Variants in TNFSF4 observed in about 807,000 individuals in gnomAD.
The protein encoded by TNFSF4 is tumor necrosis factor ligand superfamily member 4.
A neutral mutation model predicts 7.3 loss-of-function variants in TNFSF4; 4 were observed. The observed-to-expected ratio is 0.55, with a 90% CI of 0.27 to 1.25. The LOEUF (loss-of-function observed/expected upper bound fraction) is 1.25, where lower values mean the gene tolerates loss of function less well. TNFSF4 is among the 50% of genes most tolerant of loss of function. TNFSF4 has a pLI of 0.12. For synonymous variants in TNFSF4, 76 were observed against 83.7 expected (o/e 0.91, Z 0.50); for missense variants, 181 against 208.8 (o/e 0.87, Z 0.82).
the TNFSF4 span, among the ~76,000 whole-genome samples, chr1:173,409,099 T>G: frequency 1.3e-5 from 2 of 152,178 alleles, no homozygotes; most frequent in African/African-American, 4.8e-5. Context: ...TTCTCTGCTA[T>G]TCCTACCAAA....
the TNFSF4 span, among the ~76,000 whole-genome samples, chr1:173,243,812 T>C: frequency 2.0e-5 from 3 of 152,190 alleles, no homozygotes; most frequent in African/African-American, 7.2e-5. Context: ...CCCCATATCA[T>C]GGGTTTGTGG....
At chr1:173,200,340 G>C (rs1649890455) in intron 1 of TNFSF4, among the ~76,000 whole-genome samples, 1 of 152,162 alleles carries the variant, frequency 6.6e-6, no homozygotes. Context: ...TCTTAGTGAA[G>C]AAATGAGGTC....
chr1:173,377,527 T>C, the TNFSF4 span, among the ~76,000 whole-genome samples: 1 of 152,266 alleles, frequency 6.6e-6, no homozygotes, highest in Admixed American at 6.5e-5. Flanking sequence ...CTAGCCCATC[T>C]ATCCTATCGA....
chr1:173,436,488 C>T, the TNFSF4 span, among the ~76,000 whole-genome samples: 2 of 152,226 alleles, frequency 1.3e-5, no homozygotes, highest in African/African-American at 4.8e-5. Context: ...TGGCTCACTG[C>T]AACCTCTCCC....
chr1:173,374,270 A>T, the TNFSF4 span, among the ~76,000 whole-genome samples: 4 of 152,182 alleles, frequency 2.6e-5, no homozygotes, highest in African/African-American at 9.7e-5. Flanking sequence ...TACCCAAAGG[A>T]TATCACAGAG....
chr1:173,302,687 T>C, the TNFSF4 span, among the ~76,000 whole-genome samples: 2 of 151,744 alleles, frequency 1.3e-5, no homozygotes, highest in South Asian at 4.1e-4. Context: ...AAGATAAACA[T>C]GCTATGAAAA....
the TNFSF4 span, among the ~76,000 whole-genome samples, chr1:173,305,789 C>G: frequency 2.6e-5 from 4 of 151,692 alleles, no homozygotes; most frequent in Admixed American, 2.0e-4. Flanking sequence ...ACTCATAAAA[C>G]CATTAGATCT....
chr1:173,327,892 TC>T, the TNFSF4 span, among the ~76,000 whole-genome samples: 1 of 151,980 alleles, frequency 6.6e-6, no homozygotes, highest in South Asian at 2.1e-4. Context: ...AGGAACACTT[TC>T]ACATTGTTGG....
the TNFSF4 span, among the ~76,000 whole-genome samples, chr1:173,346,181 T>C: frequency 6.6e-6 from 1 of 152,184 alleles, no homozygotes; most frequent in Non-Finnish European, 1.5e-5. Flanking sequence ...AACTCTGCAC[T>C]GCTTTAGGAC....
At chr1:173,413,591 T>C in the TNFSF4 span, among the ~76,000 whole-genome samples, 476 of 152,184 alleles carry the variant, frequency 3.1e-3, 7 homozygotes, top group African/African-American at 0.011. Flanking sequence ...AGTCCAGCAG[T>C]GTCACAGCAG....
At chr1:173,315,592 G>A in the TNFSF4 span, among the ~76,000 whole-genome samples, 1 of 152,118 alleles carries the variant, frequency 6.6e-6, no homozygotes, top group Non-Finnish European at 1.5e-5. Flanking sequence ...AAATTGTAAG[G>A]ACACGTGATT....
the TNFSF4 span, among the ~76,000 whole-genome samples, chr1:173,178,358 G>A: frequency 5.1e-4 from 77 of 152,112 alleles, no homozygotes; most frequent in Non-Finnish European, 1.0e-4. Flanking sequence ...GGCGGATCAC[G>A]AGGTTAGGAG....
At chr1:173,427,977 G>C in the TNFSF4 span, among the ~76,000 whole-genome samples, 1 of 141,072 alleles carries the variant, frequency 7.1e-6, no homozygotes, top group Non-Finnish European at 1.5e-5. Flanking sequence ...TTTTGAGATA[G>C]AATCTTGCTT....
chr1:173,330,439 C>T, the TNFSF4 span, among the ~76,000 whole-genome samples: 1 of 151,770 alleles, frequency 6.6e-6, no homozygotes, highest in Admixed American at 6.6e-5. Flanking sequence ...TAATTAATAC[C>T]TAATTTTATA....
the TNFSF4 span, among the ~76,000 whole-genome samples, chr1:173,284,842 T>C: frequency 1.3e-5 from 2 of 152,178 alleles, no homozygotes; most frequent in East Asian, 3.9e-4. Flanking sequence ...TCATTAACAA[T>C]GCACCTGATC....
chr1:173,440,158 C>G, the TNFSF4 span, among the ~76,000 whole-genome samples: 276 of 152,314 alleles, frequency 1.8e-3, 2 homozygotes, highest in South Asian at 3.7e-3. Flanking sequence ...GAAAGACCTT[C>G]TTCCGTTGCA....
the TNFSF4 span, among the ~76,000 whole-genome samples, chr1:173,215,363 C>CA: frequency 6.6e-6 from 1 of 152,148 alleles, no homozygotes; most frequent in African/African-American, 2.4e-5. Flanking sequence ...AAAATTGTAC[C>CA]AAAAGAGCAT....
the TNFSF4 span, among the ~76,000 whole-genome samples, chr1:173,223,980 G>A: frequency 2.0e-5 from 3 of 152,152 alleles, no homozygotes; most frequent in Admixed American, 6.5e-5. Flanking sequence ...CAGCAGTAAC[G>A]CTGCAAGGAC....
At chr1:173,240,227 G>A in the TNFSF4 span, among the ~76,000 whole-genome samples, 1 of 151,982 alleles carries the variant, frequency 6.6e-6, no homozygotes, top group African/African-American at 2.4e-5. Flanking sequence ...CCCACTTTGT[G>A]GCACACTATC....
Sources: gnomAD v4.1 joint callset for allele counts (sites outside exome capture counted in the v4.1 genomes callset) on GRCh38, gnomAD v4.1.1 for gene constraint, MANE v1.5 for transcripts, NCBI Gene and HGNC (gene_info 2026-07-23, HGNC 2026-07-21) for gene names.